ACBD6: variants seen among roughly 807,000 people sequenced by gnomAD.
ACBD6 encodes the protein acyl-CoA binding domain containing 6.
A neutral mutation model predicts 37.2 loss-of-function variants in ACBD6; 28 were observed. The observed-to-expected ratio is 0.75, with a 90% CI of 0.56 to 1.03. The LOEUF (loss-of-function observed/expected upper bound fraction) is 1.03, where lower values mean the gene tolerates loss of function less well. Ranked by LOEUF, ACBD6 falls within the 50% of genes least tolerant of loss-of-function variation. ACBD6 has a pLI of 0.00. For synonymous variants in ACBD6, 113 were observed against 126.8 expected, an observed-to-expected ratio of 0.89 and a Z score of 0.73; for missense variants, 340 against 337.4, an observed-to-expected ratio of 1.01 and a Z score of -0.06.
chr1:180,457,793 G>GT (rs200745890), intron 3 of ACBD6, among the ~76,000 whole-genome samples: 5,018 of 136,558 alleles, frequency 0.037, 284 homozygotes, highest in African/African-American at 0.11. Context: ...AAAATTAACT[G>GT]TTTTTTTTTT....
chr1:180,279,988 G>C (rs1010155127), intron 9 of ACBD6, among the ~76,000 whole-genome samples: 1 of 152,158 alleles, frequency 6.6e-6, no homozygotes, highest in African/African-American at 2.4e-5. Flanking sequence ...GTAGCTACTA[G>C]CCACACATGG....
At chr1:180,368,533 C>G (rs906365623) in intron 6 of ACBD6, among the ~76,000 whole-genome samples, 1 of 151,770 alleles carries the variant, frequency 6.6e-6, no homozygotes, top group Admixed American at 6.6e-5. Context: ...GTCTTTAATC[C>G]ATCTTGAGTT....
chr1:180,292,625 T>A (rs539040791), intron 7 of ACBD6, among the ~76,000 whole-genome samples: 2 of 152,064 alleles, frequency 1.3e-5, no homozygotes, highest in East Asian at 1.9e-4. Context: ...TTTTTTTTTT[T>A]AATAGATTCT....
chr1:180,394,681 G>A (rs1654197773), intron 6 of ACBD6, among the ~76,000 whole-genome samples: 1 of 152,184 alleles, frequency 6.6e-6, no homozygotes, highest in Non-Finnish European at 1.5e-5. Context: ...TGAGACTATG[G>A]TAAGACAGTT....
At chr1:180,408,636 T>G (rs1054469257) in intron 5 of ACBD6, among the ~76,000 whole-genome samples, 6 of 151,866 alleles carry the variant, frequency 4.0e-5, no homozygotes, top group South Asian at 2.1e-4. Flanking sequence ...ACCTGCACAT[T>G]GTGCACATGT....
chr1:180,391,135 G>C (rs1654062161), intron 6 of ACBD6, among the ~76,000 whole-genome samples: 1 of 152,078 alleles, frequency 6.6e-6, no homozygotes, highest in Admixed American at 6.6e-5. Context: ...ATATGTAAAA[G>C]AATGAAGTTA....
chr1:180,493,272 AAAAAAAC>A lies in ACBD6; in HGVS notation c.288-914_288-908del, dbSNP rs1177720666. Among the ~76,000 whole-genome samples the A allele has an allele frequency of 3.7e-4, 52 of 141,152 alleles. 2 individuals carry two copies. The highest frequency in any genetic ancestry group is 1.2e-3 in the East Asian group (6 of 5,084). 92.6% of individuals were successfully genotyped at this position (141,152 alleles called of 152,430 possible). A position where few individuals can be genotyped will look rare whatever the true frequency, so the allele number is the denominator to read the frequency against. On this transcript the variant is annotated intron_variant, in intron 2 of 7. Coordinates refer to ENST00000367595, the MANE Select transcript of ACBD6 (RefSeq NM_032360.4). ...CAAAAAAAAAAAAAAAAAAAAAAAA[AAAAAAAC>A]AACAACAGCAACTAAAGAATACTAA...
At position 180,485,482 on chromosome 1, in the gene ACBD6, T is replaced by C. The variant is rs567169971; in HGVS notation, c.384+6787A>G. Among the ~76,000 whole-genome samples the C allele has an allele frequency of 1.4e-4, 22 of 152,240 alleles. No homozygotes were observed. In the East Asian group the frequency reaches 3.3e-3, roughly 23 times the overall value. On this transcript the variant is annotated intron_variant, in intron 3 of 7. Transcript: ENST00000367595. Reference sequence around the variant, plus strand: ...GAAAAAGGAGAGGGAGATTTGGATATAGAAACATAGGGAAGAAAGCCATGT... The same window carrying C: ...GAAAAAGGAGAGGGAGATTTGGATACAGAAACATAGGGAAGAAAGCCATGT...
chr1:180,484,631 T>C (rs952489248), intron 3 of ACBD6, among the ~76,000 whole-genome samples: 2 of 152,168 alleles, frequency 1.3e-5, no homozygotes, highest in South Asian at 2.1e-4. Context: ...AATACTGATA[T>C]AGGATATACA....
At chr1:180,282,971 T>G (rs1387302755) in intron 8 of ACBD6, among the ~76,000 whole-genome samples, 1 of 95,522 alleles carries the variant, frequency 1.0e-5, no homozygotes, top group Non-Finnish European at 2.0e-5. Context: ...TATGTCTTTC[T>G]GTTTTTTTTT....
intron 6 of ACBD6, among the ~76,000 whole-genome samples, chr1:180,359,298 GGTGACA>G (rs1652753876): frequency 6.6e-6 from 1 of 152,040 alleles, no homozygotes; most frequent in Admixed American, 6.6e-5. Flanking sequence ...TTTTTTAAAA[GGTGACA>G]GTGCCAATAA....
At chr1:180,274,636 T>C (rs1648917839) in intron 10 of ACBD6, 1 of 1,491,646 alleles carries the variant, frequency 6.7e-7, no homozygotes, top group Middle Eastern at 1.8e-4. Flanking sequence ...TCTTCAAGGA[T>C]CAAAAGAGAC....
intron 6 of ACBD6, among the ~76,000 whole-genome samples, chr1:180,378,577 G>T (rs747874528): frequency 3.3e-5 from 5 of 152,194 alleles, no homozygotes; most frequent in Non-Finnish European, 7.3e-5. Context: ...CTTTTCTGTA[G>T]AGTCTAAAAT....
chr1:180,464,784 T>C (rs992823242), intron 3 of ACBD6, among the ~76,000 whole-genome samples: 3 of 152,082 alleles, frequency 2.0e-5, no homozygotes, highest in African/African-American at 7.2e-5. Flanking sequence ...AACTTGAAAC[T>C]ATACTACAAG....
intron 6 of ACBD6, among the ~76,000 whole-genome samples, chr1:180,359,345 A>G (rs903581032): frequency 2.6e-5 from 4 of 152,166 alleles, no homozygotes; most frequent in Non-Finnish European, 2.9e-5. Flanking sequence ...ATACTGAGTG[A>G]GATGGATTTT....
intron 3 of ACBD6, among the ~76,000 whole-genome samples, chr1:180,473,308 G>A (rs910109838): frequency 7.9e-5 from 12 of 151,090 alleles, no homozygotes; most frequent in Admixed American, 2.0e-4. Flanking sequence ...TTAGCCGGGC[G>A]TAGTGGCGGG....
At chr1:180,442,381 G>A (rs1557872687) in intron 3 of ACBD6, among the ~76,000 whole-genome samples, 1 of 152,072 alleles carries the variant, frequency 6.6e-6, no homozygotes. Context: ...TTGACATCTA[G>A]TGAATAGAGA....
intron 7 of ACBD6, among the ~76,000 whole-genome samples, chr1:180,294,577 A>G (rs1350370083): frequency 6.6e-6 from 1 of 151,670 alleles, no homozygotes; most frequent in Non-Finnish European, 1.5e-5. Context: ...AAATTTGTCC[A>G]TTTCATTTAA....
chr1:180,285,412 G>A (rs960241793), downstream of ACBD6, among the ~76,000 whole-genome samples: 4 of 152,086 alleles, frequency 2.6e-5, no homozygotes, highest in Non-Finnish European at 5.9e-5. Context: ...TAACTATGAT[G>A]AAAACATTTG....
Sources: allele counts gnomAD v4.1 joint callset (sites outside exome capture counted in the v4.1 genomes callset), GRCh38; gene constraint gnomAD v4.1.1; transcripts MANE v1.5; gene names NCBI Gene and HGNC (gene_info 2026-07-23, HGNC 2026-07-21).